The following SNCAIP variants were observed in gnomAD, a reference collection of about 807,000 sequenced individuals.
The protein encoded by SNCAIP is synuclein alpha interacting protein, also known as synphilin-1.
A neutral mutation model predicts 86.7 loss-of-function variants in SNCAIP; 43 were observed. The observed-to-expected ratio is 0.50, with a 90% CI of 0.39 to 0.64. The LOEUF (loss-of-function observed/expected upper bound fraction) is 0.64. SNCAIP is among the 30% of genes least tolerant of loss of function. SNCAIP has a pLI of 0.00. For synonymous variants in SNCAIP, 417 were observed against 427.2 expected (o/e 0.98, Z 0.29); for missense variants, 981 against 1,103.1 (o/e 0.89, Z 1.57).
intron 1 of SNCAIP, among the ~76,000 whole-genome samples, chr5:122,344,246 T>C (rs371120197): frequency 2.6e-5 from 4 of 152,304 alleles, no homozygotes; most frequent in East Asian, 1.9e-4. Context: ...CCATGAGTAA[T>C]TGTTGACTAA....
intron 1 of SNCAIP, among the ~76,000 whole-genome samples, chr5:122,359,702 A>G (rs1761832682): frequency 6.6e-6 from 1 of 152,202 alleles, no homozygotes. Flanking sequence ...TATAATTTTC[A>G]GATTCACTAT....
chr5:122,376,636 G>A (rs2152804739), intron 1 of SNCAIP, among the ~76,000 whole-genome samples: 1 of 152,262 alleles, frequency 6.6e-6, no homozygotes, highest in East Asian at 1.9e-4. Flanking sequence ...CAAATCATAT[G>A]TTCACTGAAT....
chr5:122,345,804 A>C (rs749900913), intron 1 of SNCAIP, among the ~76,000 whole-genome samples: 3 of 150,406 alleles, frequency 2.0e-5, no homozygotes, highest in Non-Finnish European at 4.4e-5. Flanking sequence ...AGGACTACAG[A>C]TGTGTGCCAC....
intron 1 of SNCAIP, among the ~76,000 whole-genome samples, chr5:122,316,637 G>A (rs371003707): frequency 3.9e-5 from 6 of 152,312 alleles, no homozygotes; most frequent in South Asian, 2.1e-4. Flanking sequence ...GAGTTTTCTC[G>A]TGGAAAATAA....
intron 1 of SNCAIP, among the ~76,000 whole-genome samples, chr5:122,317,355 T>C (rs1751973071): frequency 6.6e-6 from 1 of 152,266 alleles, no homozygotes; most frequent in African/African-American, 2.4e-5. Context: ...AATCCAATTC[T>C]GATTTCTTCT....
At chr5:122,384,384 G>T (rs1767647467) in intron 1 of SNCAIP, among the ~76,000 whole-genome samples, 1 of 151,408 alleles carries the variant, frequency 6.6e-6, no homozygotes, top group African/African-American at 2.4e-5. Flanking sequence ...ATGTGAAGAT[G>T]ATTCTTAAAA....
chr5:122,339,450 T>C (rs773662847), intron 1 of SNCAIP, among the ~76,000 whole-genome samples: 6 of 152,238 alleles, frequency 3.9e-5, no homozygotes, highest in African/African-American at 1.4e-4. Context: ...GTCAAAAATA[T>C]AGTAACCCTC....
At chr5:122,400,721 C>T (rs1771624170) in intron 2 of SNCAIP, among the ~76,000 whole-genome samples, 1 of 152,120 alleles carries the variant, frequency 6.6e-6, no homozygotes, top group African/African-American at 2.4e-5. Flanking sequence ...GGGGGACCCC[C>T]AAGTAAAGGA....
At chr5:122,418,870 G>A (rs1220430635) in intron 3 of SNCAIP, among the ~76,000 whole-genome samples, 2 of 152,106 alleles carry the variant, frequency 1.3e-5, no homozygotes, top group African/African-American at 4.8e-5. Flanking sequence ...ACTGAAGAAG[G>A]TTAACTCAGG....
At position 122,320,268 on chromosome 5, in the gene SNCAIP, C is replaced by T. The variant is rs113035330; in HGVS notation, c.-47+7984C>T. On this transcript the variant is annotated intron_variant, in intron 1 of 10. Coordinates refer to ENST00000261368, the MANE Select transcript of SNCAIP (RefSeq NM_005460.4). The stretch of plus-strand genomic sequence containing the variant: ...TAAGTTTCTACTTCTTACTCATTTC[C>T]GAGTACAGTTTGCACACTTGGAAAC... Among the ~76,000 whole-genome samples the T allele has an allele frequency of 9.5e-3, 1,451 of 152,268 alleles. 20 individuals carry two copies. Among genetic ancestry groups the T allele is most frequent in the African/African-American group, 0.033 (1,388 of 41,538 alleles).
intron 1 of SNCAIP, among the ~76,000 whole-genome samples, chr5:122,376,187 C>T (rs933776405): frequency 6.6e-6 from 1 of 152,098 alleles, no homozygotes; most frequent in Non-Finnish European, 1.5e-5. Flanking sequence ...GTTTAATCCT[C>T]ATAAACAATC....
In SNCAIP at chr5:122,351,761, C is replaced by T. The variant is rs998963815; in HGVS notation, c.-46-39328C>T. 2.8e-4 allele frequency among the ~76,000 whole-genome samples: 42 copies of T among 152,020 alleles called. 1 individual carries two copies. The highest frequency in any genetic ancestry group is 2.2e-4 in the Non-Finnish European group (15 of 67,996). On this transcript the variant is annotated intron_variant, in intron 1 of 10. Coordinates refer to ENST00000261368, the MANE Select transcript of SNCAIP (RefSeq NM_005460.4). ...ACTTGGATGTTTGTGCTGACCTCAT[C>T]GGGGAAGGCTGGCTGCTTAGCAAAT...
intron 10 of SNCAIP, among the ~76,000 whole-genome samples, chr5:122,461,679 T>C (rs1186555034): frequency 1.3e-5 from 2 of 150,768 alleles, no homozygotes; most frequent in African/African-American, 4.9e-5. Context: ...GTTTTTTTTT[T>C]TTTTTCTTTT....
At chr5:122,320,710 C>T (rs965647538) in intron 1 of SNCAIP, among the ~76,000 whole-genome samples, 1 of 152,124 alleles carries the variant, frequency 6.6e-6, no homozygotes, top group Non-Finnish European at 1.5e-5. Context: ...ATCTCAGTCC[C>T]CGCTTTGCAG....
chr5:122,359,031 A>G (rs1303434781), intron 1 of SNCAIP, among the ~76,000 whole-genome samples: 3 of 90,978 alleles, frequency 3.3e-5, no homozygotes, highest in African/African-American at 1.3e-4. Context: ...GTTTTAAATT[A>G]TAATCTGGAG....
chr5:122,320,053 C>T (rs1752606524), intron 1 of SNCAIP, among the ~76,000 whole-genome samples: 1 of 151,696 alleles, frequency 6.6e-6, no homozygotes, highest in Non-Finnish European at 1.5e-5. Context: ...CAGCCTTCAG[C>T]TTCTCTTGTT....
intron 1 of SNCAIP, among the ~76,000 whole-genome samples, chr5:122,362,532 T>C (rs1035027795): frequency 2.0e-5 from 3 of 152,116 alleles, no homozygotes; most frequent in Non-Finnish European, 4.4e-5. Context: ...TGAAGAGAAT[T>C]GTAGTGGATA....
rs901764755 is a variant in SNCAIP, at chr5:122,422,859, TA to T, written c.131-4del. ...TTAATAGCTTTCTATTTTAATTTTT[TA>T]AAAACAGTTTCTAGCTCTAGCTGGA... On this transcript the variant is annotated splice_region_variant and splice_polypyrimidine_tract_variant and intron_variant, in intron 3 of 10. Transcript: ENST00000261368. 6.2e-7 allele frequency: 1 copy of T among 1,612,422 alleles called. No homozygotes were observed. Among genetic ancestry groups the T allele is most frequent in the Non-Finnish European group, 8.5e-7 (1 of 1,178,504 alleles).
chr5:122,439,596 T>C (rs1297965631), intron 6 of SNCAIP, among the ~76,000 whole-genome samples: 2 of 152,084 alleles, frequency 1.3e-5, no homozygotes, highest in African/African-American at 4.8e-5. Context: ...GTTCAGAAGA[T>C]GAAGGCAAAT....
Sources: gnomAD v4.1 joint callset for allele counts (sites outside exome capture counted in the v4.1 genomes callset) on GRCh38, gnomAD v4.1.1 for gene constraint, MANE v1.5 for transcripts, NCBI Gene and HGNC (gene_info 2026-07-23, HGNC 2026-07-21) for gene names.